The following RCAN3 variants were observed in gnomAD, a reference collection of about 807,000 sequenced individuals.
The protein encoded by RCAN3 is regulator of calcineurin 3.
RCAN3 carries 19 observed loss-of-function variants against 21.9 expected under a neutral mutation model. The ratio of observed to expected loss-of-function variants is 0.87; its 90% CI spans 0.61 to 1.27. The LOEUF (loss-of-function observed/expected upper bound fraction) is 1.27, where lower values mean the gene tolerates loss of function less well. Among genes scored for constraint, RCAN3 ranks in the 50% most tolerant of loss-of-function variants. The pLI is 0.00. For missense variants in RCAN3, 240 were observed against 300.1 expected, an observed-to-expected ratio of 0.80 and a Z score of 1.48; for synonymous variants, 114 against 112.3, an observed-to-expected ratio of 1.01 and a Z score of -0.09.
At chr1:24,532,596 G>A (rs1649854199) in intron 3 of RCAN3, among the ~76,000 whole-genome samples, 1 of 151,804 alleles carries the variant, frequency 6.6e-6, no homozygotes, top group Non-Finnish European at 1.5e-5. Context: ...GCTGTACACT[G>A]AGTGGCCAGT....
In RCAN3 at chr1:24,525,722, G is replaced by T. The variant is rs1005251117; in HGVS notation, c.196-5496G>T. The stretch of plus-strand genomic sequence containing the variant: ...CAGCTGCAGATCCTTCCTGTTTATC[G>T]CAAGTCATTTTCAGTCCATTTTCAT... On this transcript the variant is annotated intron_variant, in intron 2 of 4. Coordinates refer to ENST00000374395, the MANE Select transcript of RCAN3 (RefSeq NM_013441.4). This position sits in a 1 kb window ranked among gnomAD's most constrained non-coding sequence, Gnocchi z 4.1. Among the ~76,000 whole-genome samples the T allele has an allele frequency of 6.6e-6, 1 of 152,072 alleles. No homozygotes were observed. The highest frequency in any genetic ancestry group is 1.5e-5 in the Non-Finnish European group (1 of 68,010).
In RCAN3 at chr1:24,535,050, G is replaced by A. The variant is rs370705270; in HGVS notation, c.542-43G>A. 20 of 1,573,048 alleles carry A rather than the reference G, an allele frequency of 1.3e-5. No individual in the cohort carries two copies. The African/African-American group carries it at 1.5e-4, about 12-fold the overall frequency. ...AAGGGACAAAAGAGTTCTTTTTGCT[G>A]GAAGTGATGCTTTTGTCATGGTTAT... On this transcript the variant is annotated intron_variant, in intron 4 of 4. Coordinates refer to ENST00000374395, the MANE Select transcript of RCAN3 (RefSeq NM_013441.4).
At position 24,531,238 on chromosome 1, in the gene RCAN3, C is replaced by T; in HGVS notation, c.216C>T (p.Phe72=). 2 of 1,592,682 alleles carry T rather than the reference C, an allele frequency of 1.3e-6. No homozygotes were observed. The highest frequency in any genetic ancestry group is 1.7e-6 in the Non-Finnish European group (2 of 1,167,326). ...TGTAGGAAAGATTTGAAGCACTCTT[C>T]ACCATCTATGATGACCAGGTTACTT... The part of the protein sequence containing the change: ...REQKERFEAL[F]TIYDDQVTFQ... Residue 72 remains phenylalanine, a synonymous_variant, in exon 3 of 5, where the codon TTC becomes TTT. Transcript: ENST00000374395.
chr1:24,530,461 CATG>C (rs1435171067), intron 2 of RCAN3, among the ~76,000 whole-genome samples: 4 of 148,228 alleles, frequency 2.7e-5, no homozygotes, highest in African/African-American at 7.5e-5. Context: ...ATACCTATAA[CATG>C]ATAACATTTT....
intron 3 of RCAN3, among the ~76,000 whole-genome samples, chr1:24,531,916 G>C (rs1195137010): frequency 6.6e-6 from 1 of 152,158 alleles, no homozygotes; most frequent in Non-Finnish European, 1.5e-5. Flanking sequence ...TCCTGCATTG[G>C]TGTGACTCTC....
intron 4 of RCAN3, among the ~76,000 whole-genome samples, chr1:24,534,405 C>T (rs182041063): frequency 6.6e-6 from 1 of 152,188 alleles, no homozygotes; most frequent in Non-Finnish European, 1.5e-5. Flanking sequence ...GAGATCGAGA[C>T]CAGCCTGGCC....
chr1:24,503,610 T>G (rs925448941), intron 1 of RCAN3, among the ~76,000 whole-genome samples: 2 of 152,238 alleles, frequency 1.3e-5, no homozygotes, highest in Non-Finnish European at 2.9e-5. Flanking sequence ...TTGAAACTTG[T>G]CTGTCTGCTT....
chr1:24,507,278 C>G (rs1647513526), intron 1 of RCAN3, among the ~76,000 whole-genome samples: 1 of 152,168 alleles, frequency 6.6e-6, no homozygotes, highest in Non-Finnish European at 1.5e-5. Flanking sequence ...TTGTTCATGT[C>G]CTGCTGGCTT....
chr1:24,529,420 G>A (rs553904662), intron 2 of RCAN3, among the ~76,000 whole-genome samples: 2 of 151,022 alleles, frequency 1.3e-5, no homozygotes, highest in African/African-American at 4.8e-5. Flanking sequence ...AAAAAAGCCA[G>A]TTGTGGTGGT....
intron 2 of RCAN3, among the ~76,000 whole-genome samples, chr1:24,516,748 A>G (rs1256655702): frequency 6.6e-6 from 1 of 152,174 alleles, no homozygotes; most frequent in East Asian, 1.9e-4. Context: ...TGATGGGAGA[A>G]GAGGGCAGAG....
intron 2 of RCAN3, among the ~76,000 whole-genome samples, chr1:24,520,529 G>C (rs1192190213): frequency 6.6e-6 from 1 of 152,138 alleles, no homozygotes; most frequent in Non-Finnish European, 1.5e-5. Context: ...CATGTCCTTT[G>C]TAGGGACATA....
In RCAN3 at chr1:24,503,082, C is replaced by T. The variant is rs1278764039; in HGVS notation, c.-128C>T. ...GGGCAGCCCGGGCCCGTCCGCTGCC[C>T]TCCCGGCTCCCGTCCTGCGGCGGCG... is the stretch of plus-strand genomic sequence containing the variant. On this transcript the variant is annotated 5_prime_UTR_variant, in exon 1 of 5. Coordinates refer to ENST00000374395, the MANE Select transcript of RCAN3 (RefSeq NM_013441.4). 1 of 149,724 alleles carries T rather than the reference C, an allele frequency of 6.7e-6. No individual in the cohort carries two copies. The highest frequency in any genetic ancestry group is 2.4e-5 in the African/African-American group (1 of 41,102). 9.3% of individuals were successfully genotyped at this position (149,724 alleles called of 1,614,324 possible).
At chr1:24,518,554 A>G (rs1648529311) in intron 2 of RCAN3, among the ~76,000 whole-genome samples, 1 of 151,052 alleles carries the variant, frequency 6.6e-6, no homozygotes, top group Admixed American at 6.6e-5. Context: ...ATGTGATTGT[A>G]TTTGCTTGTT....
At chr1:24,516,882 T>G (rs1648364948) in intron 2 of RCAN3, among the ~76,000 whole-genome samples, 1 of 152,172 alleles carries the variant, frequency 6.6e-6, no homozygotes, top group African/African-American at 2.4e-5. Flanking sequence ...CAAATGCTAT[T>G]TGCTTTCCCA....
At position 24,533,095 on chromosome 1, in the gene RCAN3, G is replaced by A. The variant is rs200334877; in HGVS notation, c.382G>A (p.Gly128Ser). 7 of 1,491,458 alleles carry A rather than the reference G, an allele frequency of 4.7e-6. No homozygotes were observed. The highest frequency in any genetic ancestry group is 5.0e-5 in the East Asian group (2 of 39,942). The allele number at this position is 1,491,458 out of a possible 1,614,324, so 92.4% of individuals were successfully genotyped here. A position where few individuals can be genotyped will look rare whatever the true frequency, so the allele number is the denominator to read the frequency against. The change falls in exon 4 of 5, where the codon GGC becomes AGC. Residue 128 changes from glycine to serine, a missense_variant. Physicochemically the swap from Gly to Ser is moderately conservative, Grantham distance 56. Transcript: ENST00000374395. ...TCGCTCCCTGCAGGTGCAGATGTCC[G>A]GCGAAGTGCGGGACAAGTCCTATCT... ...KLYFAQVQMS[G>S]EVRDKSYLLP...
intron 2 of RCAN3, among the ~76,000 whole-genome samples, chr1:24,522,205 T>C (rs9424379): frequency 0.07 from 10,604 of 152,128 alleles, 1,184 homozygotes; most frequent in African/African-American, 0.23. Context: ...GTGTGTGCGG[T>C]ATGTATGTAT....
rs12061734 is a variant in RCAN3 at position 24,533,277 on chromosome 1, A to C, written c.541+23A>C. On this transcript the variant is annotated intron_variant, in intron 4 of 4. Transcript: ENST00000374395. ...CAGGTAATAAACTTCTATTTTTCCT[A>C]TTTTCTTCCCCAAGAAACTTTTGTA... The C allele has an allele frequency of 0.042, 60,906 of 1,442,852 alleles. 7,509 individuals carry two copies. In the African/African-American group the frequency reaches 0.44, roughly 10 times the overall value. 89.4% of individuals were successfully genotyped at this position (1,442,852 alleles called of 1,614,324 possible).
At chr1:24,503,196 GGT>G (rs1436521471) in intron 1 of RCAN3, 46 bp downstream of exon 1, 2 of 143,840 alleles carry the variant, frequency 1.4e-5, no homozygotes, top group African/African-American at 5.1e-5. Context: ...GGGTGGGGGG[GGT>G]GGTGCATGAA....
At chr1:24,509,857 G>A (rs986917162) in intron 1 of RCAN3, among the ~76,000 whole-genome samples, 2 of 152,262 alleles carry the variant, frequency 1.3e-5, no homozygotes, top group Admixed American at 6.5e-5. Context: ...GTATACTTAC[G>A]AAATGTATTT....
Sources: gnomAD v4.1 joint callset for allele counts (sites outside exome capture counted in the v4.1 genomes callset) on GRCh38, gnomAD v4.1.1 for gene constraint, Gnocchi (gnomAD v3.1) non-coding constraint, MANE v1.5 for transcripts, NCBI Gene and HGNC (gene_info 2026-07-23, HGNC 2026-07-21) for gene names.